FILIP1: variants seen among roughly 807,000 people sequenced by gnomAD.
FILIP1 encodes the protein filamin-A-interacting protein 1.
Under a neutral mutation model 102.1 loss-of-function variants are expected in FILIP1, and 61 were observed. That is an observed-to-expected ratio of 0.60 (90% confidence interval 0.49 to 0.74). FILIP1 has a LOEUF of 0.74. Ranked by LOEUF, FILIP1 falls within the 30% of genes least tolerant of loss-of-function variation. The probability of loss-of-function intolerance (pLI) is 0.00; values close to 1 mark genes in which losing one functional copy is unlikely to be tolerated. For missense variants in FILIP1, 1,314 were observed against 1,441.2 expected, an observed-to-expected ratio of 0.91 and a Z score of 1.43; for synonymous variants, 491 against 526.9, an observed-to-expected ratio of 0.93 and a Z score of 0.93.
intron 4 of FILIP1, among the ~76,000 whole-genome samples, chr6:75,351,143 T>C (rs1250828389): frequency 6.6e-6 from 1 of 152,150 alleles, no homozygotes; most frequent in East Asian, 1.9e-4. Flanking sequence ...CTTGGCTCAC[T>C]GCAACCTCTG....
At chr6:75,429,574 G>T (rs1210218112) in intron 1 of FILIP1, among the ~76,000 whole-genome samples, 1 of 152,156 alleles carries the variant, frequency 6.6e-6, no homozygotes, top group African/African-American at 2.4e-5. Flanking sequence ...GCAGGAGACA[G>T]GAAGTGGATT....
intron 1 of FILIP1, among the ~76,000 whole-genome samples, chr6:75,433,650 C>T (rs1349068662): frequency 6.6e-6 from 1 of 150,656 alleles, no homozygotes; most frequent in Non-Finnish European, 1.5e-5. Context: ...GATAGTTTTG[C>T]TGTGCAGAAG....
intron 1 of FILIP1, among the ~76,000 whole-genome samples, chr6:75,423,679 C>G (rs944565607): frequency 2.0e-5 from 3 of 152,136 alleles, no homozygotes; most frequent in Non-Finnish European, 2.9e-5. Context: ...ATTGCACAAC[C>G]AACTCTTCAA....
At chr6:75,431,642 A>G (rs962951673) in intron 1 of FILIP1, among the ~76,000 whole-genome samples, 25 of 152,206 alleles carry the variant, frequency 1.6e-4, no homozygotes, top group Admixed American at 1.6e-3. Flanking sequence ...CTGACAAACC[A>G]GAGTGAGGGT....
chr6:75,363,302 C>A (rs1268781781), intron 2 of FILIP1, among the ~76,000 whole-genome samples: 1 of 152,134 alleles, frequency 6.6e-6, no homozygotes, highest in Non-Finnish European at 1.5e-5. Flanking sequence ...TATTGATGTT[C>A]TCAATGTAGT....
intron 1 of FILIP1, among the ~76,000 whole-genome samples, chr6:75,487,353 G>A (rs1435660441): frequency 6.6e-6 from 1 of 152,106 alleles, no homozygotes; most frequent in Non-Finnish European, 1.5e-5. Context: ...CAGGCGCAGG[G>A]CATCATTTCC....
chr6:75,296,514 A>ATTT (rs1772684642), intron 6 of FILIP1: 2 of 140,108 alleles, frequency 1.4e-5, no homozygotes, highest in Admixed American at 7.1e-5. Context: ...TATTATTATT[A>ATTT]TTTTAGGTGG....
At chr6:75,428,292 T>G (rs1777698814) in intron 1 of FILIP1, 1 of 152,398 alleles carries the variant, frequency 6.6e-6, no homozygotes, top group South Asian at 2.1e-4. Flanking sequence ...GTACCAAGAC[T>G]ATACCAGCCT....
In FILIP1 at chr6:75,312,756, C is replaced by T. The variant is rs1335511992; in HGVS notation, c.3076G>A (p.Glu1026Lys). The T allele has an allele frequency of 1.9e-6, 3 of 1,614,122 alleles. No homozygotes were observed. Among genetic ancestry groups the T allele is most frequent in the African/African-American group, 1.3e-5 (1 of 75,008 alleles). Residue 1026 changes from glutamate (E) to lysine (K), a missense_variant, in exon 5 of 6, where the codon GAA becomes AAA. By Grantham distance (56) the Glu-to-Lys change is moderately conservative. This residue lies in a region of FILIP1 where 816 missense variants were observed against 913.1 expected (regional missense o/e 0.89). Transcript: ENST00000237172. ...CGTCCCATGGGCATTTCCTGGGATTCGGGAGAAACTGCAATCTCAGCTGGT... is the reference window on the plus strand; with the variant it reads ...CGTCCCATGGGCATTTCCTGGGATTTGGGAGAAACTGCAATCTCAGCTGGT... ...AAPAEIAVSP[E>K]SQEMPMGRTI...
At chr6:75,359,398 G>T (rs1775107352) in intron 3 of FILIP1, among the ~76,000 whole-genome samples, 1 of 152,160 alleles carries the variant, frequency 6.6e-6, no homozygotes, top group African/African-American at 2.4e-5. Flanking sequence ...AGGAGATTTA[G>T]GCAGGACAGC....
chr6:75,463,155 T>C (rs982540336), intron 1 of FILIP1, among the ~76,000 whole-genome samples: 4 of 152,238 alleles, frequency 2.6e-5, no homozygotes, highest in African/African-American at 4.8e-5. Context: ...TAGTTCCATG[T>C]TCTGGCGTAT....
rs766253801 is a variant in FILIP1, at chr6:75,313,043, G to A, written c.2789C>T (p.Pro930Leu). 6.8e-6 allele frequency: 11 copies of A among 1,614,076 alleles called. No individual in the cohort carries two copies. The highest frequency in any genetic ancestry group is 9.3e-6 in the Non-Finnish European group (11 of 1,180,006). Reference sequence around the variant, plus strand: ...ACTAGAAAAAAATTCTTCAGATGTCGGGCTTGTTATCTCCAAAGTCGCAGT... The same window carrying A: ...ACTAGAAAAAAATTCTTCAGATGTCAGGCTTGTTATCTCCAAAGTCGCAGT... ...NSTATLEITS[P>L]TSEEFFSSTT... is the part of the protein sequence containing the mutation. The change falls in exon 5 of 6, where the codon CCG (proline) becomes CTG (leucine). Residue 930 changes from proline to leucine, a missense_variant. Pro to Leu is a moderately conservative substitution (Grantham distance 98). This residue lies in a region of FILIP1 where 816 missense variants were observed against 913.1 expected (regional missense o/e 0.89). Transcript: ENST00000237172. This position sits in a 1 kb window ranked among gnomAD's most constrained non-coding sequence, Gnocchi z 4.2.
intron 1 of FILIP1, among the ~76,000 whole-genome samples, chr6:75,474,306 G>T (rs1779412566): frequency 6.6e-6 from 1 of 151,956 alleles, no homozygotes; most frequent in African/African-American, 2.4e-5. Flanking sequence ...ACCTTTCCTT[G>T]GTTAATAGTG....
intron 1 of FILIP1, among the ~76,000 whole-genome samples, chr6:75,462,289 T>G (rs1455488201): frequency 6.6e-6 from 1 of 152,102 alleles, no homozygotes; most frequent in East Asian, 1.9e-4. Flanking sequence ...GGATGCCAGC[T>G]ATAGTGCTGA....
At chr6:75,362,012 T>C (rs1775187121) in intron 3 of FILIP1, 1 of 152,260 alleles carries the variant, frequency 6.6e-6, no homozygotes, top group African/African-American at 2.4e-5. Context: ...GTTAAACGTA[T>C]AGTAAGTTGT....
chr6:75,459,897 C>T (rs570923997), intron 1 of FILIP1, among the ~76,000 whole-genome samples: 1 of 152,278 alleles, frequency 6.6e-6, no homozygotes, highest in South Asian at 2.1e-4. Context: ...TTACATTAAT[C>T]TCTTTGAGTG....
intron 3 of FILIP1, among the ~76,000 whole-genome samples, chr6:75,354,784 C>G (rs1774934761): frequency 6.6e-6 from 1 of 152,122 alleles, no homozygotes; most frequent in Non-Finnish European, 1.5e-5. Flanking sequence ...AACACCCTTC[C>G]TAATAGAAAA....
intron 4 of FILIP1, among the ~76,000 whole-genome samples, chr6:75,329,680 A>T (rs952401223): frequency 6.6e-6 from 1 of 152,184 alleles, no homozygotes. Flanking sequence ...TCCCAACTAG[A>T]GTACAGTATA....
chr6:75,398,135 T>C (rs1337372990), intron 2 of FILIP1: 3 of 152,226 alleles, frequency 2.0e-5, no homozygotes, highest in Admixed American at 6.5e-5. Flanking sequence ...CAAAGTGATG[T>C]CCTCTTTTGA....
Sources: gnomAD v4.1 joint callset for allele counts (sites outside exome capture counted in the v4.1 genomes callset) on GRCh38, gnomAD v4.1.1 for gene constraint, gnomAD v4.1.1 regional missense constraint, Gnocchi (gnomAD v3.1) non-coding constraint, MANE v1.5 for transcripts, NCBI Gene and HGNC (gene_info 2026-07-23, HGNC 2026-07-21) for gene names.